HECW1: variants seen among roughly 807,000 people sequenced by gnomAD.
The protein encoded by HECW1 is E3 ubiquitin-protein ligase HECW1.
Under a neutral mutation model 182.3 loss-of-function variants are expected in HECW1, and 61 were observed. The ratio of observed to expected loss-of-function variants is 0.33; its 90% CI spans 0.27 to 0.41. HECW1 has a LOEUF of 0.41. Ranked by LOEUF, HECW1 falls within the 10% of genes least tolerant of loss-of-function variation. The pLI, the probability that HECW1 is intolerant of heterozygous loss-of-function variation, is 1.00. For missense variants in HECW1, 1,739 were observed against 2,108.9 expected, an observed-to-expected ratio of 0.82 and a Z score of 3.44; for synonymous variants, 859 against 832.6, an observed-to-expected ratio of 1.03 and a Z score of -0.55.
At chr7:43,244,060 T>C (rs1799134843) in intron 3 of HECW1, 128 bp downstream of exon 3, 1 of 780,230 alleles carries the variant, frequency 1.3e-6, no homozygotes, top group Non-Finnish European at 2.3e-6. Context: ...ATCTCAAGTG[T>C]GGCTGGACAT....
intron 26 of HECW1, among the ~76,000 whole-genome samples, chr7:43,544,003 T>A (rs1405528056): frequency 2.6e-5 from 4 of 152,050 alleles, no homozygotes; most frequent in African/African-American, 9.7e-5. Flanking sequence ...TTAAGTTAGA[T>A]CCCTAACCTA....
chr7:43,178,190 G>A (rs1474314976), intron 2 of HECW1, among the ~76,000 whole-genome samples: 1 of 152,144 alleles, frequency 6.6e-6, no homozygotes, highest in Non-Finnish European at 1.5e-5. Flanking sequence ...TATTTTAGTA[G>A]AGACGAGGTT....
At chr7:43,483,450 T>C (rs954506318) in intron 17 of HECW1, among the ~76,000 whole-genome samples, 1 of 151,978 alleles carries the variant, frequency 6.6e-6, no homozygotes, top group African/African-American at 2.4e-5. Flanking sequence ...GAAGAACCAT[T>C]ATTTTACAGT....
intron 6 of HECW1, among the ~76,000 whole-genome samples, chr7:43,375,588 A>G (rs988326036): frequency 6.6e-5 from 10 of 152,130 alleles, no homozygotes; most frequent in African/African-American, 2.4e-4. Flanking sequence ...GGTATTCTGT[A>G]ACACTTGTTT....
At chr7:43,561,164 A>G (rs1165810098) in intron 29 of HECW1, among the ~76,000 whole-genome samples, 1 of 152,236 alleles carries the variant, frequency 6.6e-6, no homozygotes, top group East Asian at 1.9e-4. Context: ...TAAGGCAGAC[A>G]CTGGCCATGC....
At chr7:43,133,798 G>A (rs931950880) in intron 2 of HECW1, among the ~76,000 whole-genome samples, 2 of 151,850 alleles carry the variant, frequency 1.3e-5, no homozygotes, top group African/African-American at 4.8e-5. Flanking sequence ...TCAAATATAT[G>A]TATATTTTTA....
In HECW1 at chr7:43,550,467, C is replaced by T; in HGVS notation, c.4271C>T (p.Ser1424Phe). 6.2e-7 allele frequency: 1 copy of T among 1,614,126 alleles called. No homozygotes were observed. The highest frequency in any genetic ancestry group is 8.5e-7 in the Non-Finnish European group (1 of 1,180,004). ...AAGGTCACGGAAAGGGAGTTGAAGT[C>T]TGGAGGAGCCAACACACAGGTGACG... is the stretch of plus-strand genomic sequence containing the variant. ...FGQVTERELK[S>F]GGANTQVTEK... The change falls in exon 27 of 30, where the codon TCT (serine) becomes TTT (phenylalanine). Residue 1424 changes from serine to phenylalanine, a missense_variant. Physicochemically the swap from Ser to Phe is radical, Grantham distance 155. Around this residue, in one of 5 missense-constraint regions of HECW1, gnomAD observed 420 missense variants for 595.7 expected, o/e 0.71. Transcript: ENST00000395891.
At chr7:43,400,203 T>G (rs1159115656) in intron 7 of HECW1, among the ~76,000 whole-genome samples, 1 of 152,072 alleles carries the variant, frequency 6.6e-6, no homozygotes, top group East Asian at 1.9e-4. Context: ...GCAACTGTAC[T>G]CCAGGCTGGG....
chr7:43,292,128 T>C (rs549421680), intron 3 of HECW1, among the ~76,000 whole-genome samples: 54 of 152,314 alleles, frequency 3.5e-4, no homozygotes, highest in African/African-American at 1.2e-3. Context: ...TCTCTGCATC[T>C]GCAGTTTCTC....
chr7:43,381,666 G>A (rs1160774584), intron 6 of HECW1, among the ~76,000 whole-genome samples: 2 of 152,032 alleles, frequency 1.3e-5, no homozygotes, highest in Non-Finnish European at 2.9e-5. Flanking sequence ...TGGGATTACA[G>A]GCATGTGCCA....
At chr7:43,188,035 C>G (rs951075043) in intron 2 of HECW1, among the ~76,000 whole-genome samples, 1 of 152,188 alleles carries the variant, frequency 6.6e-6, no homozygotes, top group Non-Finnish European at 1.5e-5. Flanking sequence ...CTAATTCCAG[C>G]ACAAACATAA....
intron 3 of HECW1, among the ~76,000 whole-genome samples, chr7:43,264,558 A>G (rs1369654380): frequency 6.6e-6 from 1 of 152,044 alleles, no homozygotes; most frequent in Non-Finnish European, 1.5e-5. Context: ...AATAATTACT[A>G]TTGTCAGCCA....
chr7:43,256,748 G>T (rs1800627005), intron 3 of HECW1, among the ~76,000 whole-genome samples: 1 of 151,940 alleles, frequency 6.6e-6, no homozygotes, highest in African/African-American at 2.4e-5. Flanking sequence ...ATAAGTAAAA[G>T]CTACTTCACT....
chr7:43,392,497 T>C (rs1240857020), intron 6 of HECW1, among the ~76,000 whole-genome samples: 1 of 152,220 alleles, frequency 6.6e-6, no homozygotes, highest in African/African-American at 2.4e-5. Flanking sequence ...CATTCAGCTT[T>C]AGGTTTCTTC....
intron 2 of HECW1, among the ~76,000 whole-genome samples, chr7:43,196,387 T>C (rs1794461915): frequency 6.6e-6 from 1 of 152,242 alleles, no homozygotes. Context: ...ATAGGTCTTA[T>C]TGTTTCTAAG....
At chr7:43,321,452 G>A (rs964215716) in intron 5 of HECW1, among the ~76,000 whole-genome samples, 4 of 152,142 alleles carry the variant, frequency 2.6e-5, no homozygotes, top group Non-Finnish European at 4.4e-5. Flanking sequence ...GGCTTCGTGT[G>A]TAGGTATTTC....
intron 2 of HECW1, among the ~76,000 whole-genome samples, chr7:43,201,842 G>A (rs1158796510): frequency 1.3e-5 from 2 of 152,090 alleles, no homozygotes; most frequent in African/African-American, 4.8e-5. Flanking sequence ...GGACATAAAA[G>A]CAAAAAGAAA....
At chr7:43,345,621 A>T (rs2152803013) in intron 5 of HECW1, among the ~76,000 whole-genome samples, 1 of 152,074 alleles carries the variant, frequency 6.6e-6, no homozygotes, top group South Asian at 2.1e-4. Flanking sequence ...CCATTGTATC[A>T]TTCTTATGCC....
At chr7:43,403,798 C>T (rs533921037) in intron 7 of HECW1, among the ~76,000 whole-genome samples, 4 of 151,978 alleles carry the variant, frequency 2.6e-5, no homozygotes, top group Non-Finnish European at 5.9e-5. Flanking sequence ...GCAAAGGTTG[C>T]CACTGGTGGG....
Sources: gnomAD v4.1 joint callset for allele counts (sites outside exome capture counted in the v4.1 genomes callset) on GRCh38, gnomAD v4.1.1 for gene constraint, gnomAD v4.1.1 regional missense constraint, MANE v1.5 for transcripts, NCBI Gene and HGNC (gene_info 2026-07-23, HGNC 2026-07-21) for gene names.